Variants in TMPRSS4 observed in about 807,000 individuals in gnomAD.
TMPRSS4 encodes transmembrane serine protease 4.
A neutral mutation model predicts 56.4 loss-of-function variants in TMPRSS4; 45 were observed. The ratio of observed to expected loss-of-function variants is 0.80; its 90% confidence interval spans 0.63 to 1.02. TMPRSS4 has a LOEUF of 1.02. Ranked by LOEUF, TMPRSS4 falls within the 50% of genes least tolerant of loss-of-function variation. The probability of loss-of-function intolerance (pLI) is 0.00; values close to 1 mark genes in which losing one functional copy is unlikely to be tolerated. For synonymous variants in TMPRSS4, 205 were observed against 211.0 expected, an observed-to-expected ratio of 0.97 and a Z score of 0.25; for missense variants, 546 against 556.7, an observed-to-expected ratio of 0.98 and a Z score of 0.19.
intron 1 of TMPRSS4, among the ~76,000 whole-genome samples, chr11:118,084,559 A>G (rs1591343142): frequency 1.3e-5 from 2 of 152,226 alleles, no homozygotes; most frequent in Admixed American, 6.5e-5. Flanking sequence ...GCTGGTTATC[A>G]CTGGGGCCTC....
chr11:118,107,892 C>A lies in TMPRSS4; in HGVS notation c.542+17C>A. The A allele has an allele frequency of 6.2e-7, 1 of 1,610,672 alleles. No homozygotes were observed. The highest frequency in any genetic ancestry group is 8.5e-7 in the Non-Finnish European group (1 of 1,177,780). ...CTCAAGTGGGTAAGTGAGGGGACAC[C>A]TTCTGGCCTACAGAAGGCCCCCACA... On this transcript the variant is annotated intron_variant, in intron 6 of 12. Transcript: ENST00000437212.
rs569203284 is a variant in TMPRSS4, at chr11:118,113,435, G to A, written c.910G>A (p.Gly304Ser). Residue 304 changes from glycine to serine, a missense_variant and splice_region_variant, in exon 9 of 13, where the codon GGC (glycine) becomes AGC (serine). Gly to Ser is a moderately conservative substitution (Grantham distance 56). Transcript: ENST00000437212. ...GCTGCAGTTCCCACTCACTTTCTCAGGTGAGAAGCAGGGCCCAAGGCCACT... is the reference window on the plus strand; with the variant it reads ...GCTGCAGTTCCCACTCACTTTCTCAAGTGAGAAGCAGGGCCCAAGGCCACT... ...MKLQFPLTFS[G>S]TVRPICLPFF... The A allele has an allele frequency of 6.2e-7, 1 of 1,613,910 alleles. No homozygotes were observed. The highest frequency in any genetic ancestry group is 1.3e-5 in the African/African-American group (1 of 75,020).
At chr11:118,122,746 T>C (rs914255951), downstream of TMPRSS4, among the ~76,000 whole-genome samples, 1 of 152,204 alleles carries the variant, frequency 6.6e-6, no homozygotes, top group African/African-American at 2.4e-5. Flanking sequence ...AAATCATTGA[T>C]TCAGGCAAGG....
Position 118,119,240 on chromosome 11 carries a change from A to G in TMPRSS4, c.*1327A>G, listed in dbSNP as rs1346260163. The G allele has an allele frequency of 2.0e-5, 20 of 985,338 alleles. No homozygotes were observed. The highest frequency in any genetic ancestry group is 2.3e-5 in the Non-Finnish European group (19 of 829,944). The allele number at this position is 985,338 out of a possible 1,614,324, so 61.0% of individuals were successfully genotyped here. On this transcript the variant is annotated 3_prime_UTR_variant, in exon 13 of 13. Coordinates refer to ENST00000437212, the MANE Select transcript of TMPRSS4 (RefSeq NM_019894.4). The stretch of plus-strand genomic sequence containing the variant: ...ACACTAAAATCTTGGGTCGAGACCT[A>G]TATGAAGGCTGGCAGTGGAGCTAAA...
At chr11:118,081,728 A>C (rs552160152) in intron 1 of TMPRSS4, among the ~76,000 whole-genome samples, 1 of 151,874 alleles carries the variant, frequency 6.6e-6, no homozygotes, top group South Asian at 2.1e-4. Flanking sequence ...CTGCTGTCTC[A>C]GTTTCTTCCT....
chr11:118,099,494 A>AAAGG, intron 3 of TMPRSS4, among the ~76,000 whole-genome samples: 1 of 152,182 alleles, frequency 6.6e-6, no homozygotes, highest in Middle Eastern at 3.4e-3. Context: ...AGAAAGAAAG[A>AAAGG]AAGAAAGACA....
intron 1 of TMPRSS4, among the ~76,000 whole-genome samples, chr11:118,090,847 C>A (rs1591361045): frequency 1.3e-5 from 2 of 151,146 alleles, no homozygotes; most frequent in African/African-American, 4.9e-5. Flanking sequence ...CACACACACA[C>A]AAAATTAGCC....
intron 1 of TMPRSS4, among the ~76,000 whole-genome samples, chr11:118,093,744 C>T (rs1946117391): frequency 6.6e-6 from 1 of 152,060 alleles, no homozygotes; most frequent in Admixed American, 6.6e-5. Flanking sequence ...CCTATGTAAC[C>T]AATGTTGAAA....
chr11:118,083,537 C>G (rs562198489), intron 1 of TMPRSS4, among the ~76,000 whole-genome samples: 1 of 152,248 alleles, frequency 6.6e-6, no homozygotes, highest in East Asian at 1.9e-4. Context: ...GAAGCTCCTT[C>G]CCATTAACAA....
At chr11:118,106,182 G>A (rs1384947312) in intron 5 of TMPRSS4, 2 of 152,106 alleles carry the variant, frequency 1.3e-5, no homozygotes, top group South Asian at 4.1e-4. Flanking sequence ...ATGAAACCTG[G>A]GTGTCTCCAG....
chr11:118,088,176 A>G (rs1816592973), intron 1 of TMPRSS4: 1 of 152,250 alleles, frequency 6.6e-6, no homozygotes, highest in South Asian at 2.1e-4. Context: ...CAGTCCACCA[A>G]GTCCAGAAAC....
intron 2 of TMPRSS4, among the ~76,000 whole-genome samples, chr11:118,096,038 G>C (rs537799560): frequency 6.6e-6 from 1 of 152,264 alleles, no homozygotes; most frequent in African/African-American, 2.4e-5. Context: ...GCTCCCCATG[G>C]GTCACTCACT....
At chr11:118,088,034 C>G (rs1223829050) in intron 1 of TMPRSS4, among the ~76,000 whole-genome samples, 2 of 152,212 alleles carry the variant, frequency 1.3e-5, no homozygotes, top group Non-Finnish European at 2.9e-5. Context: ...GGGGCAATCT[C>G]TGCATGATGA....
At chr11:118,107,471 T>C (rs1591395934) in intron 5 of TMPRSS4, 1 of 244,166 alleles carries the variant, frequency 4.1e-6, no homozygotes, top group East Asian at 7.6e-5. Context: ...GAGCTGGGAA[T>C]ATGGAAAGGA....
Position 118,118,110 on chromosome 11 carries a change from G to A in TMPRSS4, c.*197G>A, listed in dbSNP as rs951219389. The stretch of plus-strand genomic sequence containing the variant: ...GCCCAGAGGCGCCCAGAGGAAGTCA[G>A]CAGCCCTAGCTCGGCCACACTTGGT... On this transcript the variant is annotated 3_prime_UTR_variant, in exon 13 of 13. Transcript: ENST00000437212. The A allele has an allele frequency of 5.4e-5, 78 of 1,437,190 alleles. No homozygotes were observed. The highest frequency in any genetic ancestry group is 7.0e-5 in the Non-Finnish European group (77 of 1,101,408). 89.0% of individuals were successfully genotyped at this position (1,437,190 alleles called of 1,614,324 possible).
chr11:118,111,106 T>C (rs1947255904), intron 7 of TMPRSS4, among the ~76,000 whole-genome samples: 1 of 152,160 alleles, frequency 6.6e-6, no homozygotes, highest in Admixed American at 6.5e-5. Context: ...ATGGCCCTTC[T>C]ACCATCTGTG....
At chr11:118,082,897 G>A (rs1036310332) in intron 1 of TMPRSS4, among the ~76,000 whole-genome samples, 130 of 152,300 alleles carry the variant, frequency 8.5e-4, no homozygotes, top group African/African-American at 3.0e-3. Context: ...AGGTCTTCTC[G>A]GCGAGTGGGT....
intron 3 of TMPRSS4, among the ~76,000 whole-genome samples, chr11:118,099,708 A>G (rs1386303832): frequency 1.3e-5 from 2 of 152,086 alleles, no homozygotes; most frequent in Non-Finnish European, 2.9e-5. Flanking sequence ...TGCAGATTGC[A>G]AGCTGAGTGG....
Position 118,103,177 on chromosome 11 carries a change from C to T in TMPRSS4, c.234C>T (p.Asp78=), listed in dbSNP as rs1436475636. The change falls in exon 4 of 13, where the codon GAC becomes GAT. Residue 78 remains aspartate, a synonymous_variant. Coordinates refer to ENST00000437212, the MANE Select transcript of TMPRSS4 (RefSeq NM_019894.4). ...LHFIPRKQLC[D]GELDCPLGED... ...TCATCCCGAGGAAGCAGCTGTGTGA[C>T]GGAGAGCTGGACTGTCCCTTGGGGG... 2.1e-5 allele frequency: 34 copies of T among 1,614,232 alleles called. No individual in the cohort carries two copies. The highest frequency in any genetic ancestry group is 4.0e-5 in the African/African-American group (3 of 75,060).
Sources: allele counts gnomAD v4.1 joint callset (sites outside exome capture counted in the v4.1 genomes callset), GRCh38; gene constraint gnomAD v4.1.1; transcripts MANE v1.5; gene names NCBI Gene and HGNC (gene_info 2026-07-23, HGNC 2026-07-21).